The following PCCB variants were observed in gnomAD, a reference collection of about 807,000 sequenced individuals.
PCCB encodes the protein propionyl-CoA carboxylase beta chain, mitochondrial.
In PCCB, 43 loss-of-function variants were observed where a neutral mutation model predicts 60.7. That is an observed-to-expected ratio of 0.71 (90% CI 0.55 to 0.91). The LOEUF (loss-of-function observed/expected upper bound fraction) is 0.91. PCCB is among the 40% of genes least tolerant of loss of function. The pLI, the probability that PCCB is intolerant of heterozygous loss-of-function variation, is 0.00. For missense variants in PCCB, 766 were observed against 702.8 expected (o/e 1.09, Z -1.02); for synonymous variants, 276 against 255.9 (o/e 1.08, Z -0.75).
At chr3:136,326,758 G>A (rs1004465970) in intron 10 of PCCB, 45 bp from the exon 11 acceptor site, 1 of 1,294,570 alleles carries the variant, frequency 7.7e-7, no homozygotes, top group Non-Finnish European at 1.1e-6. Context: ...GGATAGAACT[G>A]GGAATTGCCT....
chr3:136,261,645 C>T (rs983974580), intron 4 of PCCB, among the ~76,000 whole-genome samples: 1 of 152,220 alleles, frequency 6.6e-6, no homozygotes, highest in African/African-American at 2.4e-5. Context: ...ACAAAACTGG[C>T]TGCTGGAAGA....
chr3:136,298,769 C>G (rs1934049404), intron 8 of PCCB, among the ~76,000 whole-genome samples: 1 of 152,184 alleles, frequency 6.6e-6, no homozygotes, highest in African/African-American at 2.4e-5. Flanking sequence ...CATTTTATTT[C>G]CTCTCCAAAT....
At chr3:136,300,888 G>A in intron 8 of PCCB, 142 bp from the exon 9 acceptor site, 1 of 710,124 alleles carries the variant, frequency 1.4e-6, no homozygotes, top group Non-Finnish European at 2.6e-6. Context: ...ATGACTCTTT[G>A]GTGACTGCTT....
chr3:136,312,777 C>T (rs1330189193), intron 9 of PCCB, among the ~76,000 whole-genome samples: 2 of 152,110 alleles, frequency 1.3e-5, no homozygotes, highest in East Asian at 3.9e-4. Flanking sequence ...TTTTAAAATC[C>T]CACTCTTCAT....
intron 5 of PCCB, among the ~76,000 whole-genome samples, chr3:136,280,152 G>C (rs963927890): frequency 6.6e-6 from 1 of 151,988 alleles, no homozygotes; most frequent in Non-Finnish European, 1.5e-5. Flanking sequence ...TTTTTCTCAT[G>C]ACCTCATGTT....
In PCCB at chr3:136,330,001, GA is replaced by G. The variant is rs1935483433; in HGVS notation, c.1599del (p.Lys533AsnfsTer18). The G allele has an allele frequency of 6.2e-7, 1 of 1,614,144 alleles. No individual in the cohort carries two copies. The highest frequency in any genetic ancestry group is 8.5e-7 in the Non-Finnish European group (1 of 1,180,000). ...LASKKVQRPW[R>X]KHANIPL Reference sequence around the variant, plus strand: ...AGCAAGAAGGTACAACGTCCTTGGAGAAAACATGCAAATATTCCATTGTAAA... The same window carrying G: ...AGCAAGAAGGTACAACGTCCTTGGAGAAACATGCAAATATTCCATTGTAAA... On this transcript the variant is annotated frameshift_variant, in exon 15 of 15. Transcript: ENST00000251654. LOFTEE classifies it high-confidence loss of function.
At chr3:136,313,370 A>C (rs1213627428) in intron 9 of PCCB, among the ~76,000 whole-genome samples, 1 of 152,138 alleles carries the variant, frequency 6.6e-6, no homozygotes, top group Non-Finnish European at 1.5e-5. Flanking sequence ...ACTTTGGTAC[A>C]TCACACAGTA....
At chr3:136,319,311 C>A (rs1935025722) in intron 10 of PCCB, among the ~76,000 whole-genome samples, 1 of 150,830 alleles carries the variant, frequency 6.6e-6, no homozygotes, top group South Asian at 2.1e-4. Context: ...TAAACTCTTA[C>A]ATTTGACTTA....
At chr3:136,314,327 ATCTT>A (rs1021536951) in intron 9 of PCCB, among the ~76,000 whole-genome samples, 2 of 152,204 alleles carry the variant, frequency 1.3e-5, no homozygotes, top group Non-Finnish European at 2.9e-5. Context: ...AAAGGCAAAG[ATCTT>A]TCTTGTGGTA....
intron 5 of PCCB, among the ~76,000 whole-genome samples, chr3:136,283,126 T>C (rs139231103): frequency 7.2e-4 from 110 of 152,338 alleles, no homozygotes; most frequent in African/African-American, 2.6e-3. Flanking sequence ...AAAGTGAACC[T>C]ACTTTTCCTA....
At chr3:136,279,016 T>C (rs1942404819) in intron 5 of PCCB, among the ~76,000 whole-genome samples, 1 of 152,242 alleles carries the variant, frequency 6.6e-6, no homozygotes. Context: ...TTTTTTTAAC[T>C]GGTATATTTT....
intron 10 of PCCB, among the ~76,000 whole-genome samples, chr3:136,323,001 T>G (rs1272856429): frequency 8.2e-6 from 1 of 122,686 alleles, no homozygotes; most frequent in Non-Finnish European, 1.5e-5. Flanking sequence ...ATGATGAGTT[T>G]TTTTTTTTTT....
chr3:136,251,315 G>C (rs759268022), intron 1 of PCCB: 1 of 456,654 alleles, frequency 2.2e-6, no homozygotes, highest in Non-Finnish European at 4.4e-6. Context: ...TTGAAACCAG[G>C]CTTGCCCAGT....
Position 136,301,322 on chromosome 3 carries a change from GA to G in PCCB, c.966+212del, listed in dbSNP as rs1934271376. Among the ~76,000 whole-genome samples the G allele has an allele frequency of 2.0e-5, 3 of 152,272 alleles. No individual in the cohort carries two copies. The South Asian group carries it at 6.2e-4, about 32-fold the overall frequency. On this transcript the variant is annotated intron_variant, in intron 9 of 14. Coordinates refer to ENST00000251654, the MANE Select transcript of PCCB (RefSeq NM_000532.5). ...ATACCCTAGTGGCACAGATGGACTT[GA>G]GGGCTGGAGATAGGAGTAGTAAGGG...
chr3:136,259,480 A>G (rs1357310814), intron 3 of PCCB, among the ~76,000 whole-genome samples: 1 of 152,202 alleles, frequency 6.6e-6, no homozygotes, highest in Non-Finnish European at 1.5e-5. Context: ...GATAAGTAAA[A>G]TAAAACAGTA....
At chr3:136,266,610 T>A (rs1248253642) in intron 5 of PCCB, among the ~76,000 whole-genome samples, 1 of 151,910 alleles carries the variant, frequency 6.6e-6, no homozygotes, top group Non-Finnish European at 1.5e-5. Context: ...TATAGCCATT[T>A]TAGTGGTGTG....
At chr3:136,317,200 T>C in intron 10 of PCCB, 136 bp downstream of exon 10, 1 of 629,346 alleles carries the variant, frequency 1.6e-6, no homozygotes, top group Non-Finnish European at 2.6e-6. Flanking sequence ...TAAATGGTTG[T>C]TATAAAAGCT....
chr3:136,322,974 A>T (rs1230408975), intron 10 of PCCB, among the ~76,000 whole-genome samples: 3 of 149,060 alleles, frequency 2.0e-5, no homozygotes, highest in Non-Finnish European at 4.4e-5. Flanking sequence ...GATAATCTTA[A>T]TGAGGATTTC....
chr3:136,255,723 T>G, intron 1 of PCCB, 133 bp from the exon 2 acceptor site: 1 of 801,690 alleles, frequency 1.2e-6, no homozygotes, highest in Non-Finnish European at 2.2e-6. Context: ...CTTGGGCAGG[T>G]TGGATAGAAT....
Sources: gnomAD v4.1 joint callset for allele counts (sites outside exome capture counted in the v4.1 genomes callset) on GRCh38, gnomAD v4.1.1 for gene constraint, MANE v1.5 for transcripts, NCBI Gene and HGNC (gene_info 2026-07-23, HGNC 2026-07-21) for gene names.